GGA1: variants seen among roughly 807,000 people sequenced by gnomAD.
GGA1 encodes the protein golgi associated, gamma adaptin ear containing, ARF binding protein 1.
Under a neutral mutation model 76.9 loss-of-function variants are expected in GGA1, and 18 were observed. The observed-to-expected ratio is 0.23, with a 90% CI of 0.16 to 0.35. The LOEUF is 0.35. GGA1 is among the 10% of genes least tolerant of loss of function. The pLI is 1.00. For synonymous variants in GGA1, 342 were observed against 354.7 expected (o/e 0.96, Z 0.40); for missense variants, 755 against 859.0 (o/e 0.88, Z 1.51).
chr22:37,609,428 C>T, intron 1 of GGA1: 1 of 649,960 alleles, frequency 1.5e-6, no homozygotes, highest in Non-Finnish European at 2.0e-6. Context: ...TTCCTCCCGC[C>T]GCTCCTAGTC....
intron 3 of GGA1, chr22:37,617,812 T>C: frequency 2.1e-6 from 2 of 953,106 alleles, no homozygotes; most frequent in Non-Finnish European, 2.5e-6. Context: ...GTGTTGCCTA[T>C]ATAAGGTTTT....
In GGA1 at chr22:37,624,969, C is replaced by A; in HGVS notation, c.833C>A (p.Ala278Glu). Residue 278 changes from alanine (A) to glutamate (E), a missense_variant and splice_region_variant, in exon 10 of 17, where the codon GCG becomes GAG. Coordinates refer to ENST00000343632, the MANE Select transcript of GGA1 (RefSeq NM_013365.5). This position sits in a 1 kb window ranked among gnomAD's most constrained non-coding sequence, Gnocchi z 4.3. The stretch of plus-strand genomic sequence containing the variant: ...GCCTCTCCCCTCCTGCCTGTTCCAG[C>A]GGAGATCCTGCAGGCCAATGACAAC... ...SDTEDNDEAL[A>E]EILQANDNLT... The A allele has an allele frequency of 6.3e-7, 1 of 1,582,022 alleles. No individual in the cohort carries two copies. The highest frequency in any genetic ancestry group is 2.3e-5 in the East Asian group (1 of 43,600).
In GGA1 at chr22:37,618,494, A is replaced by G. The variant is rs1929239720; in HGVS notation, c.251A>G (p.Glu84Gly). 6.2e-7 allele frequency: 1 copy of G among 1,613,698 alleles called. No individual in the cohort carries two copies. Among genetic ancestry groups the G allele is most frequent in the Non-Finnish European group, 8.5e-7 (1 of 1,179,634 alleles). Residue 84 changes from glutamate to glycine, a missense_variant, in exon 4 of 17, where the codon GAA becomes GGA. Coordinates refer to ENST00000343632, the MANE Select transcript of GGA1 (RefSeq NM_013365.5). The stretch of plus-strand genomic sequence containing the variant: ...AGCTGCGGCAAGCGGTTCCACGACG[A>G]AGTGGGCAAGTTCCGCTTTCTCAAC... Reference protein sequence around the residue: ...MKSCGKRFHDEVGKFRFLNEL... With the variant: ...MKSCGKRFHDGVGKFRFLNEL...
rs57600472 is a variant in GGA1 at position 37,612,965 on chromosome 22, T to A, written c.44-1225T>A. On this transcript the variant is annotated intron_variant, in intron 1 of 16. Transcript: ENST00000343632. ...TGCCACTATCCATTTCTGGATTCAG[T>A]CTTCCCCAGAACCTCACCCTTTGCC... 8,915 of 985,056 alleles carry A rather than the reference T, an allele frequency of 9.1e-3. 614 individuals carry two copies. In the African/African-American group the frequency reaches 0.14, roughly 16 times the overall value. 61.0% of individuals were successfully genotyped at this position (985,056 alleles called of 1,614,324 possible). A position where few individuals can be genotyped will look rare whatever the true frequency, so the allele number is the denominator to read the frequency against.
intron 1 of GGA1, 121 bp from the exon 2 acceptor site, chr22:37,614,069 G>T: frequency 1.4e-6 from 1 of 729,384 alleles, no homozygotes; most frequent in African/African-American, 1.7e-5. Flanking sequence ...CAGGGGGAGA[G>T]CTTTCCCACG....
At chr22:37,621,521 C>A (rs1282672388) in intron 6 of GGA1, 95 bp from the exon 7 acceptor site, 12 of 747,976 alleles carry the variant, frequency 1.6e-5, no homozygotes, top group Non-Finnish European at 1.2e-5. Flanking sequence ...TACTCAGGTC[C>A]CACAGGCAGG....
intron 1 of GGA1, 43 bp downstream of exon 1, chr22:37,608,946 C>CG: frequency 7.7e-7 from 1 of 1,298,028 alleles, no homozygotes. Context: ...GAACCGGAAC[C>CG]GGGGGCACGA....
chr22:37,610,883 G>A (rs912300130), intron 1 of GGA1, among the ~76,000 whole-genome samples: 12 of 152,316 alleles, frequency 7.9e-5, no homozygotes, highest in African/African-American at 2.9e-4. Context: ...AGATCTCCTT[G>A]GATCTGGAGG....
intron 2 of GGA1, among the ~76,000 whole-genome samples, chr22:37,615,732 C>T (rs2145902489): frequency 6.6e-6 from 1 of 152,168 alleles, no homozygotes; most frequent in Admixed American, 6.5e-5. Flanking sequence ...TTACTGCACT[C>T]CAGCATGGTG....
intron 1 of GGA1, chr22:37,612,931 C>G (rs1384395990): frequency 2.0e-6 from 2 of 985,140 alleles, no homozygotes; most frequent in East Asian, 2.3e-4. Context: ...CCTGTTGGCC[C>G]TCTTTCCTTG....
chr22:37,609,441 T>G, intron 1 of GGA1: 3 of 514,282 alleles, frequency 5.8e-6, no homozygotes, highest in Non-Finnish European at 7.9e-6. Flanking sequence ...TCCTAGTCTC[T>G]AGCCACATAG....
In GGA1 at chr22:37,630,045, C is replaced by A; in HGVS notation, c.1206C>A (p.Pro402=). Residue 402 remains proline (P), a synonymous_variant, in exon 13 of 17, where the codon CCC becomes CCA. Coordinates refer to ENST00000343632, the MANE Select transcript of GGA1 (RefSeq NM_013365.5). ...CAGCCCCTGCTCTGGCCCAGGCCCCCAGTATGGAAAGCCGACCCCCAGCGC... is the reference window on the plus strand; with the variant it reads ...CAGCCCCTGCTCTGGCCCAGGCCCCAAGTATGGAAAGCCGACCCCCAGCGC... The part of the protein sequence containing the change: ...EPPAPALAQA[P]SMESRPPAQT... 1 of 1,602,910 alleles carries A rather than the reference C, an allele frequency of 6.2e-7. No homozygotes were observed. Among genetic ancestry groups the A allele is most frequent in the Non-Finnish European group, 8.5e-7 (1 of 1,172,558 alleles).
rs775849695 is a variant in GGA1, at chr22:37,625,987, G to A, written c.1093+38G>A. On this transcript the variant is annotated intron_variant, in intron 11 of 16. Coordinates refer to ENST00000343632, the MANE Select transcript of GGA1 (RefSeq NM_013365.5). This position sits in a 1 kb window ranked among gnomAD's most constrained non-coding sequence, Gnocchi z 4.1. ...CCAGGCCTGGAGGAGGGCGGGCTCA[G>A]CAGCAGATGGGGCATGATCCCAGGG... 26 of 1,519,656 alleles carry A rather than the reference G, an allele frequency of 1.7e-5. No individual in the cohort carries two copies. Among genetic ancestry groups the A allele is most frequent in the Admixed American group, 1.8e-5 (1 of 55,944 alleles). 94.1% of individuals were successfully genotyped at this position (1,519,656 alleles called of 1,614,324 possible).
intron 3 of GGA1, chr22:37,618,157 A>G (rs1413014224): frequency 3.1e-6 from 1 of 324,294 alleles, no homozygotes; most frequent in Non-Finnish European, 5.6e-6. Flanking sequence ...TAGTAAGAAA[A>G]TAATGTACAG....
intron 2 of GGA1, among the ~76,000 whole-genome samples, chr22:37,615,062 C>A (rs1443491980): frequency 6.6e-6 from 1 of 152,200 alleles, no homozygotes; most frequent in Non-Finnish European, 1.5e-5. Flanking sequence ...CCTGTAATCT[C>A]AGTTACTGGG....
intron 1 of GGA1, chr22:37,610,451 C>G (rs764140708): frequency 1.3e-5 from 2 of 152,186 alleles, no homozygotes; most frequent in Admixed American, 1.3e-4. Context: ...TCAAGTGATT[C>G]TCCTGTCTCA....
At chr22:37,630,796 G>A in intron 13 of GGA1, 107 bp from the exon 14 acceptor site, 1 of 752,698 alleles carries the variant, frequency 1.3e-6, no homozygotes, top group Non-Finnish European at 2.2e-6. Context: ...TCAAACTCCT[G>A]AGCTCAAGCG....
At chr22:37,619,379 A>AT (rs1318301803) in intron 4 of GGA1, among the ~76,000 whole-genome samples, 1,592 of 108,032 alleles carry the variant, frequency 0.015, 21 homozygotes, top group Admixed American at 0.048. Context: ...TACCGTGAAC[A>AT]TTTTTTTTTT....
In GGA1 at chr22:37,625,928, G is replaced by T; in HGVS notation, c.1072G>T (p.Asp358Tyr). The stretch of plus-strand genomic sequence containing the variant: ...GCCCAGTGCCTCAGTTTCCCTGCTT[G>T]ACGACGAGCTCATGTCTCTGGGTGA... Reference protein sequence around the residue: ...EQPSASVSLLDDELMSLGLSD... With the variant: ...EQPSASVSLLYDELMSLGLSD... The change falls in exon 11 of 17, where the codon GAC (aspartate) becomes TAC (tyrosine). Residue 358 changes from aspartate to tyrosine, a missense_variant. Coordinates refer to ENST00000343632, the MANE Select transcript of GGA1 (RefSeq NM_013365.5). The surrounding 1 kb of genome is among the most constrained non-coding windows in gnomAD (Gnocchi z 4.1). 6.3e-7 allele frequency: 1 copy of T among 1,598,314 alleles called. No individual in the cohort carries two copies.
Sources: allele counts gnomAD v4.1 joint callset (sites outside exome capture counted in the v4.1 genomes callset), GRCh38; gene constraint gnomAD v4.1.1; non-coding constraint Gnocchi (gnomAD v3.1); transcripts MANE v1.5; gene names NCBI Gene and HGNC (gene_info 2026-07-23, HGNC 2026-07-21).